Variants in PTGER4 observed in about 807,000 individuals in gnomAD.
The protein encoded by PTGER4 is prostaglandin E2 receptor EP4 subtype.
In PTGER4, 11 loss-of-function variants were observed where a neutral mutation model predicts 33.2. The observed-to-expected ratio is 0.33, with a 90% confidence interval of 0.21 to 0.55. The LOEUF is 0.55. Among genes scored for constraint, PTGER4 ranks in the 20% least tolerant of loss-of-function variants. The pLI is 0.92. For missense variants in PTGER4, 481 were observed against 650.2 expected (o/e 0.74, Z 2.83); for synonymous variants, 275 against 281.5 (o/e 0.98, Z 0.23).
the PTGER4 span, among the ~76,000 whole-genome samples, chr5:40,742,307 T>C: frequency 6.6e-6 from 1 of 152,066 alleles, no homozygotes; most frequent in African/African-American, 2.4e-5. Flanking sequence ...ACAGAATAAT[T>C]AGGACTACTA....
At chr5:40,693,814 T>C, downstream of PTGER4, 1 of 709,274 alleles carries the variant, frequency 1.4e-6, no homozygotes, top group Non-Finnish European at 1.7e-6. Context: ...TATCCTTTTA[T>C]ATATTTTTTT....
At chr5:40,710,319 T>C in the PTGER4 span, among the ~76,000 whole-genome samples, 1 of 152,066 alleles carries the variant, frequency 6.6e-6, no homozygotes, top group Non-Finnish European at 1.5e-5. Context: ...AAAGGACACA[T>C]GAAAAAATGC....
At chr5:40,716,268 C>T in the PTGER4 span, 1 of 1,614,216 alleles carries the variant, frequency 6.2e-7, no homozygotes, top group Non-Finnish European at 8.5e-7. Context: ...AAACTGTCTT[C>T]TCTTTCTCAG....
At position 40,692,666 on chromosome 5, in the gene PTGER4, G is replaced by T; in HGVS notation, c.*288G>T. The T allele has an allele frequency of 8.9e-7, 1 of 1,121,854 alleles. No homozygotes were observed. Among genetic ancestry groups the T allele is most frequent in the Middle Eastern group, 3.9e-4 (1 of 2,582 alleles). 69.5% of individuals were successfully genotyped at this position (1,121,854 alleles called of 1,614,324 possible). On this transcript the variant is annotated 3_prime_UTR_variant, in exon 3 of 3. Coordinates refer to ENST00000302472, the MANE Select transcript of PTGER4 (RefSeq NM_000958.3). ...TTTTCTACTAGATAGGAGGATGGTA[G>T]AAGTTTGGCTGCTGTCATAACATCC...
the PTGER4 span, among the ~76,000 whole-genome samples, chr5:40,710,520 A>C: frequency 2.0e-5 from 3 of 152,182 alleles, no homozygotes. Context: ...ACAGTGTGGC[A>C]ATTCCTCGGG....
At chr5:40,722,275 G>A in the PTGER4 span, among the ~76,000 whole-genome samples, 4 of 152,142 alleles carry the variant, frequency 2.6e-5, no homozygotes, top group African/African-American at 9.7e-5. Context: ...CCTCCCAGCC[G>A]CCTGCCTTGG....
At chr5:40,712,717 A>G in the PTGER4 span, among the ~76,000 whole-genome samples, 6 of 152,158 alleles carry the variant, frequency 3.9e-5, no homozygotes, top group African/African-American at 7.2e-5. Flanking sequence ...GCCCAGTTCT[A>G]TATCTTAAAC....
chr5:40,697,267 AAAG>A (rs1442160155), downstream of PTGER4, among the ~76,000 whole-genome samples: 15 of 134,232 alleles, frequency 1.1e-4, no homozygotes, highest in Non-Finnish European at 2.1e-4. Context: ...AGAAAGAAAG[AAAG>A]AAAGAAAGAA....
At chr5:40,736,957 G>A in the PTGER4 span, among the ~76,000 whole-genome samples, 1 of 152,080 alleles carries the variant, frequency 6.6e-6, no homozygotes, top group African/African-American at 2.4e-5. Context: ...CCAGATTTTT[G>A]TTAAAAAGAA....
the PTGER4 span, among the ~76,000 whole-genome samples, chr5:40,710,581 ATAACC>A: frequency 6.6e-6 from 1 of 152,230 alleles, no homozygotes; most frequent in Non-Finnish European, 1.5e-5. Context: ...TACTGGGTAT[ATAACC>A]AAAGGAATAT....
chr5:40,729,690 A>AT, the PTGER4 span, among the ~76,000 whole-genome samples: 25 of 151,962 alleles, frequency 1.6e-4, no homozygotes, highest in Non-Finnish European at 3.5e-4. Flanking sequence ...CTTTTTATTT[A>AT]TTTTTTATTT....
At chr5:40,697,234 GAAAGAA>G (rs1391497940), downstream of PTGER4, among the ~76,000 whole-genome samples, 3,013 of 73,598 alleles carry the variant, frequency 0.041, 64 homozygotes, top group East Asian at 0.07. Context: ...AGAAAAGAAA[GAAAGAA>G]AGAAAGAAAG....
At chr5:40,738,459 C>T in the PTGER4 span, among the ~76,000 whole-genome samples, 3 of 99,646 alleles carry the variant, frequency 3.0e-5, no homozygotes, top group African/African-American at 1.1e-4. Flanking sequence ...CAATACAATA[C>T]AATACAATAC....
intron 2 of PTGER4, among the ~76,000 whole-genome samples, chr5:40,687,233 C>T (rs1741347892): frequency 6.6e-6 from 1 of 151,930 alleles, no homozygotes; most frequent in Non-Finnish European, 1.5e-5. Context: ...TTGGTAGAGA[C>T]TGGGTTTCTC....
the PTGER4 span, among the ~76,000 whole-genome samples, chr5:40,720,018 T>C: frequency 6.6e-6 from 1 of 152,218 alleles, no homozygotes; most frequent in Non-Finnish European, 1.5e-5. Context: ...CAGTAACTTT[T>C]GAAGCACAAA....
At chr5:40,738,325 G>A in the PTGER4 span, among the ~76,000 whole-genome samples, 1 of 151,832 alleles carries the variant, frequency 6.6e-6, no homozygotes, top group East Asian at 1.9e-4. Flanking sequence ...TGAGGCAGGA[G>A]AATTGCTTGA....
chr5:40,737,987 TG>T, the PTGER4 span, among the ~76,000 whole-genome samples: 2 of 152,256 alleles, frequency 1.3e-5, no homozygotes, highest in Non-Finnish European at 2.9e-5. Context: ...TCCCAGTTCA[TG>T]GACACTATTA....
chr5:40,742,135 T>G, the PTGER4 span, among the ~76,000 whole-genome samples: 1 of 152,120 alleles, frequency 6.6e-6, no homozygotes, highest in East Asian at 1.9e-4. Context: ...ATTTTCTAGT[T>G]GTTTGGGGCC....
the PTGER4 span, among the ~76,000 whole-genome samples, chr5:40,733,942 T>C: frequency 1.3e-5 from 2 of 152,304 alleles, no homozygotes; most frequent in African/African-American, 4.8e-5. Flanking sequence ...GCTTACAGAT[T>C]TGAGAAAAAA....
Sources: allele counts gnomAD v4.1 joint callset (sites outside exome capture counted in the v4.1 genomes callset), GRCh38; gene constraint gnomAD v4.1.1; transcripts MANE v1.5; gene names NCBI Gene and HGNC (gene_info 2026-07-23, HGNC 2026-07-21).